The following DCUN1D3 variants were observed in gnomAD, a reference collection of about 807,000 sequenced individuals.
DCUN1D3 encodes the protein defective in cullin neddylation 1 domain containing 3.
Under a neutral mutation model 24.8 loss-of-function variants are expected in DCUN1D3, and 6 were observed. The observed-to-expected ratio is 0.24, with a 90% CI of 0.13 to 0.48. DCUN1D3 has a LOEUF of 0.48. DCUN1D3 is among the 20% of genes least tolerant of loss of function. The probability of loss-of-function intolerance (pLI) is 0.99; values close to 1 mark genes in which losing one functional copy is unlikely to be tolerated. For synonymous variants in DCUN1D3, 120 were observed against 144.9 expected (o/e 0.83, Z 1.24); for missense variants, 258 against 379.4 (o/e 0.68, Z 2.66).
At chr16:20,878,495 A>G (rs912105786) in intron 1 of DCUN1D3, among the ~76,000 whole-genome samples, 7 of 152,208 alleles carry the variant, frequency 4.6e-5, no homozygotes, top group Non-Finnish European at 1.0e-4. Context: ...CACTCTAGGA[A>G]GACCAAGGGG....
chr16:20,862,327 G>A lies in DCUN1D3; in HGVS notation c.212C>T (p.Ser71Phe), dbSNP rs758883322. 8.7e-6 allele frequency: 14 copies of A among 1,614,224 alleles called. No homozygotes were observed. The highest frequency in any genetic ancestry group is 1.0e-5 in the Non-Finnish European group (12 of 1,180,042). The change falls in exon 2 of 3, where the codon TCC (serine) becomes TTC (phenylalanine). Residue 71 changes from serine to phenylalanine, a missense_variant. Ser to Phe is a radical substitution (Grantham distance 155). Coordinates refer to ENST00000324344, the MANE Select transcript of DCUN1D3 (RefSeq NM_173475.4). ...AATEACQLPT[S>F]SGDAGRESKS... is the part of the protein sequence containing the mutation. ...GGACTCCCTCCCAGCATCTCCCGAG[G>A]ACGTTGGCAGCTGGCAGGCCTCAGT...
intron 1 of DCUN1D3, among the ~76,000 whole-genome samples, chr16:20,892,736 G>C (rs1465923092): frequency 6.6e-6 from 1 of 151,946 alleles, no homozygotes; most frequent in Non-Finnish European, 1.5e-5. Flanking sequence ...ACAGTGCACT[G>C]ACCATTTTGG....
At position 20,863,988 on chromosome 16, in the gene DCUN1D3, C is replaced by T. The variant is rs991484697; in HGVS notation, c.-105-1345G>A. On this transcript the variant is annotated intron_variant, in intron 1 of 2. Coordinates refer to ENST00000324344, the MANE Select transcript of DCUN1D3 (RefSeq NM_173475.4). ...AAATCAACTCAAGATGGATTAAAGA[C>T]TTAAATGTAAAACCCCAAACTATAA... Among the ~76,000 whole-genome samples, 9 of 152,294 alleles carry T rather than the reference C, an allele frequency of 5.9e-5. No homozygotes were observed. The East Asian group carries it at 1.7e-3, about 29-fold the overall frequency.
intron 1 of DCUN1D3, among the ~76,000 whole-genome samples, chr16:20,864,566 C>T (rs911533646): frequency 6.6e-6 from 1 of 151,958 alleles, no homozygotes; most frequent in Non-Finnish European, 1.5e-5. Context: ...CTTCGACCAC[C>T]GTGGAAAGCA....
intron 1 of DCUN1D3, among the ~76,000 whole-genome samples, chr16:20,875,934 AAAT>A (rs892191257): frequency 2.6e-5 from 4 of 152,022 alleles, no homozygotes; most frequent in African/African-American, 7.2e-5. Flanking sequence ...CTTAATAGCA[AAAT>A]AATAATAATA....
rs2152515843 is a variant in DCUN1D3, at chr16:20,860,899, G to A, written c.432-530C>T. 6.6e-6 allele frequency among the ~76,000 whole-genome samples: 1 copy of A among 152,314 alleles called. No individual in the cohort carries two copies. The stretch of plus-strand genomic sequence containing the variant: ...TTATTAAAAAACAAAAATTATGTAT[G>A]TATTTTTAACATCTATACAACCCTT... On this transcript the variant is annotated intron_variant, in intron 2 of 2. Coordinates refer to ENST00000324344, the MANE Select transcript of DCUN1D3 (RefSeq NM_173475.4). The surrounding 1 kb of genome is among the most constrained non-coding windows in gnomAD (Gnocchi z 4.3).
At position 20,877,802 on chromosome 16, in the gene DCUN1D3, T is replaced by C. The variant is rs995501250; in HGVS notation, c.-105-15159A>G. 2.0e-5 allele frequency among the ~76,000 whole-genome samples: 3 copies of C among 152,082 alleles called. No individual in the cohort carries two copies. The South Asian group carries it at 6.2e-4, about 32-fold the overall frequency. Reference sequence around the variant, plus strand: ...CTCAATTCAGTTCTCAAGAGCTGATTTTTTCTTTTTAGAGACAGGATCTGG... The same window carrying C: ...CTCAATTCAGTTCTCAAGAGCTGATCTTTTCTTTTTAGAGACAGGATCTGG... On this transcript the variant is annotated intron_variant, in intron 1 of 2. Coordinates refer to ENST00000324344, the MANE Select transcript of DCUN1D3 (RefSeq NM_173475.4).
At chr16:20,861,958 T>G in intron 2 of DCUN1D3, 150 bp downstream of exon 2, 2 of 816,260 alleles carry the variant, frequency 2.5e-6, no homozygotes, top group Non-Finnish European at 3.8e-6. Flanking sequence ...GCTCAAAAGA[T>G]TCAAGCTTTA....
At chr16:20,899,139 T>C (rs1283390100) in intron 1 of DCUN1D3, among the ~76,000 whole-genome samples, 3 of 152,110 alleles carry the variant, frequency 2.0e-5, no homozygotes, top group Non-Finnish European at 4.4e-5. Flanking sequence ...AAAAGAGCTA[T>C]TGTCCAATTG....
intron 1 of DCUN1D3, among the ~76,000 whole-genome samples, chr16:20,897,675 C>T (rs2081922250): frequency 6.6e-6 from 1 of 152,180 alleles, no homozygotes; most frequent in Admixed American, 6.5e-5. Context: ...TATACTAGAA[C>T]ACATTCAGAG....
Position 20,856,013 on chromosome 16 carries a change from G to C in DCUN1D3, c.*3873C>G, listed in dbSNP as rs1195755663. The C allele has an allele frequency of 1.3e-5, 2 of 152,192 alleles. No individual in the cohort carries two copies. The highest frequency in any genetic ancestry group is 1.9e-4 in the East Asian group (1 of 5,194). 9.4% of individuals were successfully genotyped at this position (152,192 alleles called of 1,614,324 possible). A position where few individuals can be genotyped will look rare whatever the true frequency, so the allele number is the denominator to read the frequency against. Reference sequence around the variant, plus strand: ...AACATGAGAGACAAGAAAAACAGCAGAGCAGTCAAGTAAAATGCAACAAAA... The same window carrying C: ...AACATGAGAGACAAGAAAAACAGCACAGCAGTCAAGTAAAATGCAACAAAA... On this transcript the variant is annotated 3_prime_UTR_variant, in exon 3 of 3. Transcript: ENST00000324344.
intron 1 of DCUN1D3, among the ~76,000 whole-genome samples, chr16:20,886,179 A>AG (rs2081867486): frequency 6.6e-6 from 1 of 151,418 alleles, no homozygotes; most frequent in Non-Finnish European, 1.5e-5. Context: ...AATTTGCTTG[A>AG]GTTAGTCAAG....
At chr16:20,883,241 G>A (rs1031494342) in intron 1 of DCUN1D3, among the ~76,000 whole-genome samples, 6 of 152,152 alleles carry the variant, frequency 3.9e-5, no homozygotes, top group African/African-American at 1.4e-4. Flanking sequence ...GGCCGGATGC[G>A]GTGGCTCACG....
chr16:20,878,376 T>G lies in DCUN1D3; in HGVS notation c.-105-15733A>C, dbSNP rs533116665. 3.3e-5 allele frequency among the ~76,000 whole-genome samples: 5 copies of G among 152,304 alleles called. 1 individual carries two copies. In the South Asian group the frequency reaches 1.0e-3, roughly 32 times the overall value. ...CAACCTGTCATGTCTCTTTTTGACC[T>G]GTACCTCAGGATCTTAGAAAAAATT... On this transcript the variant is annotated intron_variant, in intron 1 of 2. Transcript: ENST00000324344.
At position 20,861,435 on chromosome 16, in the gene DCUN1D3, A is replaced by T. The variant is rs375619174; in HGVS notation, c.431+673T>A. ...AGGCACTTACCATATTGGTACTCACAGTGCAAGTGGCTTCATGGAGGGAGA... is the reference window on the plus strand; with the variant it reads ...AGGCACTTACCATATTGGTACTCACTGTGCAAGTGGCTTCATGGAGGGAGA... On this transcript the variant is annotated intron_variant, in intron 2 of 2. Transcript: ENST00000324344. 5.3e-5 allele frequency among the ~76,000 whole-genome samples: 8 copies of T among 152,142 alleles called. No individual in the cohort carries two copies. The East Asian group carries it at 1.2e-3, about 22-fold the overall frequency.
chr16:20,894,455 T>TGAAA (rs1288826476), intron 1 of DCUN1D3, among the ~76,000 whole-genome samples: 1 of 152,136 alleles, frequency 6.6e-6, no homozygotes, highest in Non-Finnish European at 1.5e-5. Context: ...AGACCTGGTA[T>TGAAA]GAATCTGCAG....
At chr16:20,875,635 G>T (rs974122461) in intron 1 of DCUN1D3, among the ~76,000 whole-genome samples, 3 of 152,176 alleles carry the variant, frequency 2.0e-5, no homozygotes, top group African/African-American at 7.2e-5. Flanking sequence ...AATCAAAGTG[G>T]ATTGAAGATT....
chr16:20,862,685 A>G, intron 1 of DCUN1D3, 42 bp from the exon 2 acceptor site: 9 of 1,490,540 alleles, frequency 6.0e-6, no homozygotes, highest in Non-Finnish European at 8.0e-6. Context: ...GGTGGGGGAA[A>G]TGGGGTATGG....
intron 1 of DCUN1D3, among the ~76,000 whole-genome samples, chr16:20,898,392 C>T (rs931413535): frequency 2.0e-5 from 3 of 152,190 alleles, no homozygotes; most frequent in Admixed American, 1.3e-4. Context: ...ATGTAAGCTC[C>T]ATGAAAGGGT....
Sources: gnomAD v4.1 joint callset for allele counts (sites outside exome capture counted in the v4.1 genomes callset) on GRCh38, gnomAD v4.1.1 for gene constraint, Gnocchi (gnomAD v3.1) non-coding constraint, MANE v1.5 for transcripts, NCBI Gene and HGNC (gene_info 2026-07-23, HGNC 2026-07-21) for gene names.